The following TANC2 variants were observed in gnomAD, a reference collection of about 807,000 sequenced individuals.
TANC2 encodes protein TANC2.
TANC2 carries 26 observed loss-of-function variants against 210.5 expected under a neutral mutation model. The observed-to-expected ratio is 0.12, with a 90% CI of 0.09 to 0.17. The LOEUF is 0.17. Ranked by LOEUF, TANC2 falls within the 10% of genes least tolerant of loss-of-function variation. The pLI is 1.00. For synonymous variants in TANC2, 931 were observed against 967.1 expected (o/e 0.96, Z 0.69); for missense variants, 2,129 against 2,608.9 (o/e 0.82, Z 4.01).
intron 3 of TANC2, among the ~76,000 whole-genome samples, chr17:63,094,842 G>A (rs554616240): frequency 2.0e-5 from 3 of 151,190 alleles, no homozygotes; most frequent in Non-Finnish European, 4.4e-5. Context: ...CAAGTTAGCA[G>A]TTTTTAAATT....
At chr17:63,261,231 G>A (rs1220349184) in intron 8 of TANC2, among the ~76,000 whole-genome samples, 1 of 151,578 alleles carries the variant, frequency 6.6e-6, no homozygotes, top group Non-Finnish European at 1.5e-5. Flanking sequence ...GTGGCAGAGT[G>A]ACTAGTTTAT....
At chr17:63,099,459 C>A (rs1252717228) in intron 4 of TANC2, 102 bp downstream of exon 4, 3 of 805,080 alleles carry the variant, frequency 3.7e-6, no homozygotes, top group African/African-American at 1.8e-5. Context: ...GGTTTTTCCT[C>A]TCTGGCCTTC....
Position 63,421,496 on chromosome 17 carries a change from C to T in TANC2, c.5766C>T (p.Thr1922=). 1 of 1,613,980 alleles carries T rather than the reference C, an allele frequency of 6.2e-7. No homozygotes were observed. The highest frequency in any genetic ancestry group is 8.5e-7 in the Non-Finnish European group (1 of 1,179,890). Reference sequence around the variant, plus strand: ...AAGGAGGTTACCCCAGTGAGCCCACCCGATCCAGGACCACACCATTCATGG... The same window carrying T: ...AAGGAGGTTACCCCAGTGAGCCCACTCGATCCAGGACCACACCATTCATGG... The change falls in exon 28 of 28, where the codon ACC becomes ACT. Residue 1922 remains threonine, a synonymous_variant. Coordinates refer to ENST00000689528, the Ensembl canonical transcript of TANC2. This position sits in a 1 kb window ranked among gnomAD's most constrained non-coding sequence, Gnocchi z 6.9.
chr17:63,405,739 G>C (rs910811230), intron 20 of TANC2, among the ~76,000 whole-genome samples: 1 of 152,128 alleles, frequency 6.6e-6, no homozygotes, highest in African/African-American at 2.4e-5. Context: ...ATAGAAAAAA[G>C]GCTGTAGAAG....
At chr17:63,206,097 G>A (rs2041701975) in intron 7 of TANC2, among the ~76,000 whole-genome samples, 1 of 152,094 alleles carries the variant, frequency 6.6e-6, no homozygotes, top group Non-Finnish European at 1.5e-5. Flanking sequence ...CACATGAAAA[G>A]ATATTCAACA....
At chr17:63,073,707 G>A (rs1598355213) in intron 2 of TANC2, among the ~76,000 whole-genome samples, 1 of 152,142 alleles carries the variant, frequency 6.6e-6, no homozygotes, top group South Asian at 2.1e-4. Context: ...TACATATGGG[G>A]GAGGGGAAAA....
chr17:63,322,817 T>C lies in TANC2; in HGVS notation c.1575+3727T>C, dbSNP rs535823286. 3.3e-5 allele frequency among the ~76,000 whole-genome samples: 5 copies of C among 152,362 alleles called. No homozygotes were observed. In the South Asian group the frequency reaches 1.0e-3, roughly 32 times the overall value. On this transcript the variant is annotated intron_variant, in intron 11 of 27. Coordinates refer to ENST00000689528, the Ensembl canonical transcript of TANC2. Reference sequence around the variant, plus strand: ...TCTCATCAAGAGAAGTCCCAAGATGTTCATGTTCAATATTTGGAAAACATT... The same window carrying C: ...TCTCATCAAGAGAAGTCCCAAGATGCTCATGTTCAATATTTGGAAAACATT...
intron 4 of TANC2, among the ~76,000 whole-genome samples, chr17:63,113,094 A>C (rs1450821324): frequency 1.3e-5 from 2 of 152,246 alleles, no homozygotes; most frequent in Non-Finnish European, 2.9e-5. Flanking sequence ...AATACTTTTC[A>C]GTCACAAAGC....
intron 9 of TANC2, among the ~76,000 whole-genome samples, chr17:63,275,039 A>G (rs977013328): frequency 5.9e-5 from 9 of 152,280 alleles, no homozygotes; most frequent in Middle Eastern, 3.4e-3. Context: ...ATGATGGATT[A>G]TATAAAGGGA....
chr17:63,327,492 T>A (rs1046956505), intron 11 of TANC2, among the ~76,000 whole-genome samples: 23 of 152,364 alleles, frequency 1.5e-4, no homozygotes, highest in African/African-American at 4.3e-4. Context: ...TTAAGTGTGT[T>A]ATTTTTTTAA....
At chr17:63,143,199 T>C (rs564919451) in intron 4 of TANC2, among the ~76,000 whole-genome samples, 2 of 152,382 alleles carry the variant, frequency 1.3e-5, no homozygotes, top group South Asian at 4.1e-4. Flanking sequence ...GAAAATTTCA[T>C]GTAGCACCAA....
intron 4 of TANC2, among the ~76,000 whole-genome samples, chr17:63,121,971 GGGGGGAGGGGGGAAGA>G (rs1163948453): frequency 1.3e-5 from 2 of 151,218 alleles, no homozygotes; most frequent in Non-Finnish European, 2.9e-5. Flanking sequence ...CATCTCTTGC[GGGGGGAGGGGGGAAGA>G]GGGGGAGGGG....
At chr17:63,203,150 C>G (rs989705598) in intron 7 of TANC2, among the ~76,000 whole-genome samples, 1 of 152,150 alleles carries the variant, frequency 6.6e-6, no homozygotes, top group Non-Finnish European at 1.5e-5. Context: ...AATTCACATT[C>G]TCATCAGCAG....
chr17:63,363,047 T>A (rs1478895593), intron 14 of TANC2, among the ~76,000 whole-genome samples: 1 of 152,246 alleles, frequency 6.6e-6, no homozygotes, highest in Non-Finnish European at 1.5e-5. Flanking sequence ...ATTGCCTGTC[T>A]TTTGGATAAA....
chr17:63,113,071 T>G (rs1374713778), intron 4 of TANC2, among the ~76,000 whole-genome samples: 1 of 152,174 alleles, frequency 6.6e-6, no homozygotes, highest in East Asian at 1.9e-4. Flanking sequence ...GCTAAACAAT[T>G]TTGGCCATGA....
intron 15 of TANC2, chr17:63,381,257 TTTATC>T (rs1269571510): frequency 6.6e-6 from 1 of 152,186 alleles, no homozygotes; most frequent in East Asian, 1.9e-4. Context: ...TTAGCACAGT[TTTATC>T]TTATACTGAT....
chr17:63,384,645 A>C (rs1385021409), intron 15 of TANC2, among the ~76,000 whole-genome samples: 2 of 152,170 alleles, frequency 1.3e-5, no homozygotes, highest in Non-Finnish European at 2.9e-5. Context: ...TAAAGTTAGC[A>C]TACATATGTC....
At chr17:63,385,184 T>G (rs1383286041) in intron 15 of TANC2, among the ~76,000 whole-genome samples, 1 of 152,096 alleles carries the variant, frequency 6.6e-6, no homozygotes, top group Non-Finnish European at 1.5e-5. Context: ...ATTTCCTGCC[T>G]TTTTTTCCTT....
At chr17:62,996,500 A>G (rs1421124715) in intron 1 of TANC2, among the ~76,000 whole-genome samples, 1 of 151,478 alleles carries the variant, frequency 6.6e-6, no homozygotes, top group Non-Finnish European at 1.5e-5. Flanking sequence ...TTTTTTGTCT[A>G]TAAATTTGTT....
Sources: gnomAD v4.1 joint callset for allele counts (sites outside exome capture counted in the v4.1 genomes callset) on GRCh38, gnomAD v4.1.1 for gene constraint, Gnocchi (gnomAD v3.1) non-coding constraint, MANE v1.5 for transcripts, NCBI Gene and HGNC (gene_info 2026-07-23, HGNC 2026-07-21) for gene names.